The following SNAP91 variants were observed in gnomAD, a reference collection of about 807,000 sequenced individuals.
SNAP91 encodes clathrin coat assembly protein AP180.
Under a neutral mutation model 100.3 loss-of-function variants are expected in SNAP91, and 27 were observed. The observed-to-expected ratio is 0.27, with a 90% CI of 0.20 to 0.37. SNAP91 has a LOEUF of 0.37. SNAP91 is among the 10% of genes least tolerant of loss of function. The probability of loss-of-function intolerance (pLI) is 1.00; values close to 1 mark genes in which losing one functional copy is unlikely to be tolerated. For missense variants in SNAP91, 986 were observed against 1,123.7 expected, an observed-to-expected ratio of 0.88 and a Z score of 1.75; for synonymous variants, 404 against 398.6, an observed-to-expected ratio of 1.01 and a Z score of -0.16.
At chr6:83,604,825 A>G (rs1401542931) in intron 14 of SNAP91, among the ~76,000 whole-genome samples, 3 of 152,232 alleles carry the variant, frequency 2.0e-5, no homozygotes, top group Non-Finnish European at 4.4e-5. Context: ...ATACCTATAA[A>G]TACTCAGTTC....
chr6:83,574,896 A>T, intron 26 of SNAP91, 114 bp downstream of exon 26: 1 of 629,194 alleles, frequency 1.6e-6, no homozygotes, highest in Non-Finnish European at 2.7e-6. Context: ...ATATTTCTTC[A>T]ATGCAGAGGA....
Position 83,593,214 on chromosome 6 carries a change from T to C in SNAP91, c.1742A>G (p.Asp581Gly). Reference protein sequence around the residue: ...TPEVAAAPKPDAAPSIDLFST... With the variant: ...TPEVAAAPKPGAAPSIDLFST... ...AAACAGGTCTATGCTAGGAGCAGCA[T>C]CTGGCTTAGGCGCTGCAGCAACTTC... The change falls in exon 19 of 30, where the codon GAT (aspartate) becomes GGT (glycine). Residue 581 changes from aspartate (D) to glycine (G), a missense_variant. Asp to Gly is a moderately conservative substitution (Grantham distance 94, BLOSUM62 -1). This residue lies in a region of SNAP91 where 575 missense variants were observed against 579.9 expected (regional missense o/e 0.99). Coordinates refer to ENST00000369694, the MANE Select transcript of SNAP91 (RefSeq NM_001242792.2). 1 of 1,596,970 alleles carries C rather than the reference T, an allele frequency of 6.3e-7. No individual in the cohort carries two copies. The highest frequency in any genetic ancestry group is 8.5e-7 in the Non-Finnish European group (1 of 1,171,318).
At chr6:83,706,700 C>T (rs2099387447) in intron 2 of SNAP91, among the ~76,000 whole-genome samples, 1 of 152,154 alleles carries the variant, frequency 6.6e-6, no homozygotes, top group Admixed American at 6.5e-5. Context: ...AGACCCAAGA[C>T]CAAAAAAACC....
chr6:83,585,589 T>C (rs1263927018), intron 22 of SNAP91, among the ~76,000 whole-genome samples: 1 of 151,296 alleles, frequency 6.6e-6, no homozygotes, highest in Non-Finnish European at 1.5e-5. Flanking sequence ...GAGTAAGGCT[T>C]TTGTGCATCC....
Position 83,637,467 on chromosome 6 carries a change from G to A in SNAP91, c.765+3629C>T, listed in dbSNP as rs151059748. 4.3e-3 allele frequency among the ~76,000 whole-genome samples: 661 copies of A among 152,312 alleles called. 5 individuals are homozygous for A. The highest frequency in any genetic ancestry group is 0.015 in the African/African-American group (635 of 41,576). On this transcript the variant is annotated intron_variant, in intron 8 of 29. Coordinates refer to ENST00000369694, the MANE Select transcript of SNAP91 (RefSeq NM_001242792.2). The stretch of plus-strand genomic sequence containing the variant: ...ATCATGTATACGCAAGTGGAAAAGT[G>A]CCTGTGGCCCAGGGTTTCCAGCCTG...
At chr6:83,633,920 G>A (rs925551008) in intron 8 of SNAP91, among the ~76,000 whole-genome samples, 3 of 151,442 alleles carry the variant, frequency 2.0e-5, no homozygotes, top group African/African-American at 7.3e-5. Context: ...CATGGACACA[G>A]GAAGGGGAAC....
At chr6:83,597,630 G>C (rs2094619069) in intron 16 of SNAP91, among the ~76,000 whole-genome samples, 2 of 152,078 alleles carry the variant, frequency 1.3e-5, no homozygotes, top group African/African-American at 4.8e-5. Flanking sequence ...AGCACTCTAA[G>C]ACAGAATTTT....
intron 9 of SNAP91, among the ~76,000 whole-genome samples, chr6:83,619,771 A>G (rs1193091479): frequency 6.6e-6 from 1 of 152,242 alleles, no homozygotes; most frequent in African/African-American, 2.4e-5. Context: ...ACAGGAAATA[A>G]TATTAAAAAA....
chr6:83,591,671 A>G (rs1582775832), intron 21 of SNAP91, among the ~76,000 whole-genome samples: 2 of 152,320 alleles, frequency 1.3e-5, no homozygotes, highest in East Asian at 3.9e-4. Context: ...AAATTAATAA[A>G]CTTAATTCAA....
chr6:83,604,636 T>C (rs1266877873), intron 14 of SNAP91, among the ~76,000 whole-genome samples: 2 of 152,178 alleles, frequency 1.3e-5, no homozygotes, highest in African/African-American at 4.8e-5. Context: ...TTAGTTATTA[T>C]TGTGCACTAA....
At chr6:83,699,640 A>C (rs1467753934) in intron 2 of SNAP91, among the ~76,000 whole-genome samples, 1 of 152,228 alleles carries the variant, frequency 6.6e-6, no homozygotes, top group African/African-American at 2.4e-5. Context: ...AAAGCTGAGA[A>C]TTTTCCAGAC....
intron 2 of SNAP91, among the ~76,000 whole-genome samples, chr6:83,672,904 A>G (rs1324211555): frequency 6.6e-6 from 1 of 152,080 alleles, no homozygotes; most frequent in Non-Finnish European, 1.5e-5. Flanking sequence ...GTAAAACCCC[A>G]CTAGTACAGC....
At chr6:83,586,494 C>T (rs976668814) in intron 22 of SNAP91, among the ~76,000 whole-genome samples, 12 of 152,144 alleles carry the variant, frequency 7.9e-5, no homozygotes, top group Non-Finnish European at 1.6e-4. Flanking sequence ...TTGTCCTGCT[C>T]GATGCCAACC....
chr6:83,623,418 C>T (rs2096808207), intron 8 of SNAP91, 76 bp from the exon 9 acceptor site: 1 of 1,044,672 alleles, frequency 9.6e-7, no homozygotes, highest in African/African-American at 1.6e-5. Context: ...ATCACCTACA[C>T]AATTAGTTTA....
At chr6:83,632,754 C>A (rs1362590362) in intron 8 of SNAP91, among the ~76,000 whole-genome samples, 1 of 152,128 alleles carries the variant, frequency 6.6e-6, no homozygotes, top group East Asian at 1.9e-4. Context: ...TTTATTTATG[C>A]TATCTAGTTC....
chr6:83,567,967 C>T (rs1236887519), intron 26 of SNAP91, among the ~76,000 whole-genome samples: 1 of 151,832 alleles, frequency 6.6e-6, no homozygotes, highest in Non-Finnish European at 1.5e-5. Context: ...ACTAGAAATA[C>T]CATTTGACCC....
At chr6:83,585,826 T>A (rs1276439036) in intron 22 of SNAP91, among the ~76,000 whole-genome samples, 6 of 151,878 alleles carry the variant, frequency 4.0e-5, no homozygotes, top group Admixed American at 6.6e-5. Context: ...ATTGTTTCAG[T>A]TGCAGGAGTA....
chr6:83,707,504 A>G (rs1342937325), intron 2 of SNAP91, among the ~76,000 whole-genome samples: 1 of 149,392 alleles, frequency 6.7e-6, no homozygotes, highest in Non-Finnish European at 1.5e-5. Context: ...AGTGTGTACA[A>G]TCTCTCTCTT....
intron 2 of SNAP91, among the ~76,000 whole-genome samples, chr6:83,703,150 G>T: frequency 6.8e-6 from 1 of 146,724 alleles, no homozygotes; most frequent in Non-Finnish European, 1.5e-5. Flanking sequence ...AGTAAAGTGA[G>T]AGGGTGTGTT....
Sources: gnomAD v4.1 joint callset for allele counts (sites outside exome capture counted in the v4.1 genomes callset) on GRCh38, gnomAD v4.1.1 for gene constraint, gnomAD v4.1.1 regional missense constraint, MANE v1.5 for transcripts, NCBI Gene and HGNC (gene_info 2026-07-23, HGNC 2026-07-21) for gene names.